Variants in LRFN5 observed in about 807,000 individuals in gnomAD.
LRFN5 encodes leucine rich repeat and fibronectin type III domain containing 5, also known as leucine-rich repeat and fibronectin type-III domain-containing protein 5.
LRFN5 carries 24 observed loss-of-function variants against 45.6 expected under a neutral mutation model. That is an observed-to-expected ratio of 0.53 (90% CI 0.38 to 0.74). The LOEUF is 0.74. Ranked by LOEUF, LRFN5 falls within the 30% of genes least tolerant of loss-of-function variation. LRFN5 has a pLI of 0.00. For missense variants in LRFN5, 776 were observed against 861.5 expected, an observed-to-expected ratio of 0.90 and a Z score of 1.24; for synonymous variants, 340 against 313.8, an observed-to-expected ratio of 1.08 and a Z score of -0.88.
chr14:41,775,222 C>G (rs371504302), intron 2 of LRFN5, among the ~76,000 whole-genome samples: 1 of 151,568 alleles, frequency 6.6e-6, no homozygotes, highest in African/African-American at 2.4e-5. Context: ...TCCCGAGTAG[C>G]TGGGACTACA....
At chr14:41,736,593 A>G (rs572956862) in intron 1 of LRFN5, among the ~76,000 whole-genome samples, 1 of 152,246 alleles carries the variant, frequency 6.6e-6, no homozygotes, top group South Asian at 2.1e-4. Context: ...GAAGCTCTTT[A>G]TAGACCGCTA....
At chr14:41,818,256 C>G (rs1053882742) in intron 2 of LRFN5, among the ~76,000 whole-genome samples, 1 of 151,870 alleles carries the variant, frequency 6.6e-6, no homozygotes, top group Admixed American at 6.6e-5. Flanking sequence ...TTCAACTCTT[C>G]TTTTAATTTC....
intron 1 of LRFN5, among the ~76,000 whole-genome samples, chr14:41,661,161 T>C (rs1880634483): frequency 1.3e-5 from 2 of 151,798 alleles, no homozygotes; most frequent in Admixed American, 6.6e-5. Context: ...ACAACTTGTT[T>C]CTAATCCCTT....
At chr14:41,825,765 C>T (rs555492984) in intron 2 of LRFN5, among the ~76,000 whole-genome samples, 3 of 152,118 alleles carry the variant, frequency 2.0e-5, no homozygotes, top group Non-Finnish European at 4.4e-5. Context: ...GTGAGTTACC[C>T]TTTGCCAGCT....
intron 2 of LRFN5, among the ~76,000 whole-genome samples, chr14:41,856,288 A>G (rs1302984700): frequency 2.6e-5 from 4 of 152,210 alleles, no homozygotes; most frequent in Non-Finnish European, 5.9e-5. Context: ...TGTGATTTTA[A>G]CCTAATTAAT....
At chr14:41,684,021 G>A (rs1882015068) in intron 1 of LRFN5, among the ~76,000 whole-genome samples, 1 of 152,098 alleles carries the variant, frequency 6.6e-6, no homozygotes, top group Admixed American at 6.6e-5. Flanking sequence ...TAAAACTGGT[G>A]GAATCATATT....
At chr14:41,817,888 A>T in intron 2 of LRFN5, among the ~76,000 whole-genome samples, 1 of 152,212 alleles carries the variant, frequency 6.6e-6, no homozygotes, top group East Asian at 1.9e-4. Flanking sequence ...CTATATAGAT[A>T]GTGGTTCCTT....
intron 5 of LRFN5, 45 bp from the exon 6 acceptor site, chr14:41,904,113 C>T (rs372634163): frequency 6.7e-7 from 1 of 1,482,006 alleles, no homozygotes; most frequent in East Asian, 2.3e-5. Context: ...TTCTTTCTTT[C>T]TTCCTTTCTT....
At chr14:41,684,398 A>C (rs557963233) in intron 1 of LRFN5, among the ~76,000 whole-genome samples, 14 of 152,194 alleles carry the variant, frequency 9.2e-5, no homozygotes, top group Non-Finnish European at 1.9e-4. Flanking sequence ...TATGGTGGAC[A>C]GCAAAGGGGA....
chr14:41,723,097 G>A (rs189334562), intron 1 of LRFN5, among the ~76,000 whole-genome samples: 1 of 152,330 alleles, frequency 6.6e-6, no homozygotes, highest in Admixed American at 6.5e-5. Flanking sequence ...TTGCATGGGT[G>A]TGAGGTGTAG....
At chr14:41,758,262 A>G (rs1317313566) in intron 1 of LRFN5, among the ~76,000 whole-genome samples, 15 of 152,304 alleles carry the variant, frequency 9.8e-5, no homozygotes, top group African/African-American at 3.6e-4. Context: ...ATATTTCAAT[A>G]TGACTATTAA....
At chr14:41,615,742 A>T (rs950512500) in intron 1 of LRFN5, among the ~76,000 whole-genome samples, 4 of 152,138 alleles carry the variant, frequency 2.6e-5, no homozygotes, top group African/African-American at 9.6e-5. Context: ...CTGATCCTGG[A>T]CAAGGCATTC....
intron 1 of LRFN5, among the ~76,000 whole-genome samples, chr14:41,614,719 T>C (rs935961577): frequency 3.9e-5 from 6 of 152,088 alleles, no homozygotes; most frequent in African/African-American, 1.4e-4. Flanking sequence ...TGAACTTCTC[T>C]GAGCATCAGA....
chr14:41,808,876 C>T (rs909754997), intron 2 of LRFN5, among the ~76,000 whole-genome samples: 23 of 152,032 alleles, frequency 1.5e-4, no homozygotes, highest in African/African-American at 5.1e-4. Flanking sequence ...AATCACGACC[C>T]TGCATTGTGC....
intron 2 of LRFN5, among the ~76,000 whole-genome samples, chr14:41,835,905 A>C (rs1374089666): frequency 6.6e-6 from 1 of 151,348 alleles, no homozygotes; most frequent in African/African-American, 2.4e-5. Context: ...TCAGGATAAA[A>C]AGTTTTTCTT....
intron 1 of LRFN5, among the ~76,000 whole-genome samples, chr14:41,635,811 C>CT (rs1225637628): frequency 2.0e-5 from 3 of 151,954 alleles, no homozygotes; most frequent in African/African-American, 7.2e-5. Context: ...TATGTTTTTC[C>CT]TTTTTTTGCT....
intron 1 of LRFN5, among the ~76,000 whole-genome samples, chr14:41,629,790 G>A (rs183676285): frequency 4.1e-4 from 63 of 152,230 alleles, no homozygotes; most frequent in African/African-American, 1.5e-3. Flanking sequence ...CATATGTACT[G>A]GTGAGACCAC....
chr14:41,805,292 A>T lies in LRFN5; in HGVS notation c.-21+38263A>T, dbSNP rs568602974. On this transcript the variant is annotated intron_variant, in intron 2 of 5. Transcript: ENST00000298119. ...TATTAGATTTTTATTTTTATATATT[A>T]TAGAATAAAATATAGAAGAACAAGT... Among the ~76,000 whole-genome samples, 14 of 151,174 alleles carry T rather than the reference A, an allele frequency of 9.3e-5. No homozygotes were observed. In the South Asian group the frequency reaches 2.9e-3, roughly 31 times the overall value.
chr14:41,727,434 A>T (rs1028026470), intron 1 of LRFN5, among the ~76,000 whole-genome samples: 5 of 150,776 alleles, frequency 3.3e-5, no homozygotes, highest in Non-Finnish European at 7.4e-5. Context: ...CAAAAATCCG[A>T]TCTCTATAAA....
Sources: allele counts gnomAD v4.1 joint callset (sites outside exome capture counted in the v4.1 genomes callset), GRCh38; gene constraint gnomAD v4.1.1; transcripts MANE v1.5; gene names NCBI Gene and HGNC (gene_info 2026-07-23, HGNC 2026-07-21).